Variants in KDM4C observed in about 807,000 individuals in gnomAD.
The protein encoded by KDM4C is lysine demethylase 4C.
Under a neutral mutation model 129.3 loss-of-function variants are expected in KDM4C, and 81 were observed. The observed-to-expected ratio is 0.63, with a 90% CI of 0.52 to 0.75. KDM4C has a LOEUF of 0.75. KDM4C is among the 30% of genes least tolerant of loss of function. The probability of loss-of-function intolerance (pLI) is 0.00; values close to 1 mark genes in which losing one functional copy is unlikely to be tolerated. For synonymous variants in KDM4C, 573 were observed against 456.1 expected (o/e 1.26, Z -3.26); for missense variants, 1,457 against 1,304.0 (o/e 1.12, Z -1.81).
chr9:7,062,007 G>A (rs367700202), intron 17 of KDM4C, among the ~76,000 whole-genome samples: 1 of 152,140 alleles, frequency 6.6e-6, no homozygotes, highest in Non-Finnish European at 1.5e-5. Context: ...TGTCTCTGTT[G>A]CCCAGGCTGG....
At chr9:7,112,999 A>G (rs1838503928) in intron 18 of KDM4C, among the ~76,000 whole-genome samples, 1 of 152,112 alleles carries the variant, frequency 6.6e-6, no homozygotes, top group South Asian at 2.1e-4. Flanking sequence ...AGACTTCTAC[A>G]TAATCATCTT....
At chr9:7,050,861 A>T (rs533088435) in intron 17 of KDM4C, among the ~76,000 whole-genome samples, 2 of 152,212 alleles carry the variant, frequency 1.3e-5, no homozygotes, top group Non-Finnish European at 2.9e-5. Flanking sequence ...TCAGGGTGTT[A>T]TATCTAGAAA....
At chr9:6,722,144 C>A (rs889651602) in intron 1 of KDM4C, among the ~76,000 whole-genome samples, 1 of 152,156 alleles carries the variant, frequency 6.6e-6, no homozygotes, top group African/African-American at 2.4e-5. Context: ...ATTTGGCATC[C>A]AACCTGAGCC....
intron 12 of KDM4C, among the ~76,000 whole-genome samples, chr9:7,009,068 C>G (rs12003042): frequency 1.1e-4 from 16 of 152,242 alleles, no homozygotes; most frequent in Non-Finnish European, 1.6e-4. Flanking sequence ...TACAAACTGC[C>G]TAAAAGTAAT....
intron 2 of KDM4C, among the ~76,000 whole-genome samples, chr9:6,793,691 C>T (rs1310049866): frequency 1.3e-5 from 2 of 151,960 alleles, no homozygotes; most frequent in Non-Finnish European, 2.9e-5. Flanking sequence ...CAGGCACCCA[C>T]CACCATGCCC....
In KDM4C at chr9:7,060,451, GTTGTTA is replaced by G. The variant is rs1398763366; in HGVS notation, c.2424+11254_2424+11259del. Among the ~76,000 whole-genome samples, 463 of 138,272 alleles carry G rather than the reference GTTGTTA, an allele frequency of 3.3e-3. 3 individuals carry two copies. Among genetic ancestry groups the G allele is most frequent in the Non-Finnish European group, 4.4e-3 (278 of 63,636 alleles). The allele number at this position is 138,272 out of a possible 152,430, so 90.7% of individuals were successfully genotyped here. ...TCAGGGATGACTTTTTAGCAGTATT[GTTGTTA>G]TTATTATTATTATTATTATTATTAT... is the stretch of plus-strand genomic sequence containing the variant. On this transcript the variant is annotated intron_variant, in intron 17 of 21. Coordinates refer to ENST00000381309, the MANE Select transcript of KDM4C (RefSeq NM_015061.6).
chr9:6,976,872 T>C (rs114036296), intron 8 of KDM4C, among the ~76,000 whole-genome samples: 128 of 152,254 alleles, frequency 8.4e-4, no homozygotes, highest in African/African-American at 2.9e-3. Flanking sequence ...TGGTGGCTAC[T>C]GTAAAGGGCA....
Position 6,845,643 on chromosome 9 carries a change from G to A in KDM4C, c.436-3864G>A, listed in dbSNP as rs7847797. On this transcript the variant is annotated intron_variant, in intron 4 of 21. Coordinates refer to ENST00000381309, the MANE Select transcript of KDM4C (RefSeq NM_015061.6). ...AAAAATCGTGGTCCAATTGTGAGTT[G>A]TTTCAGAAAACAGATGCAGGATACG... Among the ~76,000 whole-genome samples, 42 of 152,286 alleles carry A rather than the reference G, an allele frequency of 2.8e-4. 1 individual carries two copies. Among genetic ancestry groups the A allele is most frequent in the African/African-American group, 9.6e-4 (40 of 41,564 alleles).
chr9:6,785,591 C>A (rs1825318133), intron 1 of KDM4C, among the ~76,000 whole-genome samples: 1 of 152,198 alleles, frequency 6.6e-6, no homozygotes, highest in African/African-American at 2.4e-5. Context: ...CCCACCTTGG[C>A]CTCCCAAAGT....
intron 1 of KDM4C, among the ~76,000 whole-genome samples, chr9:6,740,492 T>TGC (rs1817653053): frequency 6.6e-6 from 1 of 151,494 alleles, no homozygotes; most frequent in Non-Finnish European, 1.5e-5. Flanking sequence ...CGTGAGCCAC[T>TGC]GCGCCTGGCC....
At chr9:7,162,673 G>C (rs890619572) in intron 19 of KDM4C, among the ~76,000 whole-genome samples, 1 of 152,078 alleles carries the variant, frequency 6.6e-6, no homozygotes, top group African/African-American at 2.4e-5. Context: ...TTTATTTTGA[G>C]GGATTTTATT....
intron 3 of KDM4C, among the ~76,000 whole-genome samples, chr9:6,812,511 TC>T (rs1191474146): frequency 6.6e-6 from 1 of 152,150 alleles, no homozygotes; most frequent in African/African-American, 2.4e-5. Flanking sequence ...CTACCTCAGA[TC>T]ATCAGACATT....
intron 3 of KDM4C, among the ~76,000 whole-genome samples, chr9:6,806,878 G>GTCTCCCTCTCCGTCTCCCTCTCCC (rs1830073495): frequency 7.2e-6 from 1 of 139,450 alleles, no homozygotes; most frequent in African/African-American, 3.1e-5. Flanking sequence ...CTCCGTCTCC[G>GTCTCCCTCTCCGTCTCCCTCTCCC]TCTCCCTCTC....
intron 1 of KDM4C, among the ~76,000 whole-genome samples, chr9:6,779,227 A>G (rs1410063718): frequency 6.7e-6 from 1 of 150,118 alleles, no homozygotes. Context: ...ATGGGGTTTC[A>G]CCGTGGTCTC....
chr9:7,153,949 T>A (rs1842933204), intron 19 of KDM4C, among the ~76,000 whole-genome samples: 2 of 152,192 alleles, frequency 1.3e-5, no homozygotes, highest in Admixed American at 1.3e-4. Context: ...TGGGTGCTGC[T>A]GCTGCTGCTG....
rs148157303 is a variant in KDM4C at position 7,053,482 on chromosome 9, C to G, written c.2424+4282C>G. 6.3e-4 allele frequency among the ~76,000 whole-genome samples: 96 copies of G among 152,246 alleles called. 1 individual carries two copies. The East Asian group carries it at 0.016, about 25-fold the overall frequency. ...TTTATTGATCCTAAAATGGTGTGTGCTTCATGGAGATCCTTTAGCTCATCC... is the reference window on the plus strand; with the variant it reads ...TTTATTGATCCTAAAATGGTGTGTGGTTCATGGAGATCCTTTAGCTCATCC... On this transcript the variant is annotated intron_variant, in intron 17 of 21. Coordinates refer to ENST00000381309, the MANE Select transcript of KDM4C (RefSeq NM_015061.6).
intron 15 of KDM4C, among the ~76,000 whole-genome samples, chr9:7,038,887 G>A (rs1240707321): frequency 6.6e-6 from 1 of 151,762 alleles, no homozygotes; most frequent in Non-Finnish European, 1.5e-5. Context: ...GTGCTTACTG[G>A]CAATGAAGAG....
chr9:6,892,544 C>G (rs941192728), intron 7 of KDM4C, among the ~76,000 whole-genome samples: 1 of 152,064 alleles, frequency 6.6e-6, no homozygotes, highest in Non-Finnish European at 1.5e-5. Context: ...TTGAATAATT[C>G]TTTTAACAGA....
At chr9:6,863,740 A>C (rs922652868) in intron 5 of KDM4C, among the ~76,000 whole-genome samples, 7 of 149,000 alleles carry the variant, frequency 4.7e-5, no homozygotes, top group African/African-American at 1.7e-4. Flanking sequence ...GCTTGCAGTG[A>C]GCCGAGATCT....
Sources: gnomAD v4.1 joint callset for allele counts (sites outside exome capture counted in the v4.1 genomes callset) on GRCh38, gnomAD v4.1.1 for gene constraint, MANE v1.5 for transcripts, NCBI Gene and HGNC (gene_info 2026-07-23, HGNC 2026-07-21) for gene names.